RYR3: variants seen among roughly 807,000 people sequenced by gnomAD.
The protein encoded by RYR3 is brain ryanodine receptor-calcium release channel.
In RYR3, 207 loss-of-function variants were observed where a neutral mutation model predicts 584.3. The ratio of observed to expected loss-of-function variants is 0.35; its 90% CI spans 0.32 to 0.40. RYR3 has a LOEUF of 0.40. Among genes scored for constraint, RYR3 ranks in the 10% least tolerant of loss-of-function variants. The pLI is 1.00. For synonymous variants in RYR3, 2,416 were observed against 2,248.5 expected (o/e 1.07, Z -2.11); for missense variants, 5,616 against 6,089.2 (o/e 0.92, Z 2.59).
At chr15:33,464,181 A>G (rs1303589046) in intron 1 of RYR3, among the ~76,000 whole-genome samples, 1 of 151,932 alleles carries the variant, frequency 6.6e-6, no homozygotes, top group Non-Finnish European at 1.5e-5. Context: ...AAAGAATATT[A>G]AGCAAGATTG....
At chr15:33,560,336 G>A (rs2060453) in intron 10 of RYR3, among the ~76,000 whole-genome samples, 104,412 of 152,020 alleles carry the variant, frequency 0.69, 36,774 homozygotes, top group Middle Eastern at 0.8. Flanking sequence ...TGCAGTGACT[G>A]CCGTAGAATT....
intron 16 of RYR3, among the ~76,000 whole-genome samples, chr15:33,586,462 A>G (rs2058851505): frequency 1.3e-5 from 2 of 152,206 alleles, no homozygotes; most frequent in Non-Finnish European, 2.9e-5. Context: ...GTAGTGAAAC[A>G]GCTTATAACA....
At chr15:33,350,439 C>A (rs1169664054) in intron 1 of RYR3, among the ~76,000 whole-genome samples, 1 of 151,804 alleles carries the variant, frequency 6.6e-6, no homozygotes, top group Non-Finnish European at 1.5e-5. Context: ...CTCTCCACCC[C>A]AAATCAACAG....
At chr15:33,541,966 T>A (rs1438923301) in intron 7 of RYR3, among the ~76,000 whole-genome samples, 1 of 152,088 alleles carries the variant, frequency 6.6e-6, no homozygotes, top group Admixed American at 6.6e-5. Context: ...CCATGTTAAA[T>A]TTTTTATTTT....
At chr15:33,841,684 C>T in intron 90 of RYR3, 180 bp from the exon 91 acceptor site, 1 of 584,612 alleles carries the variant, frequency 1.7e-6, no homozygotes. Flanking sequence ...GGCTCATCCT[C>T]ATTGAATATA....
intron 16 of RYR3, among the ~76,000 whole-genome samples, chr15:33,586,414 G>T (rs889490721): frequency 1.2e-4 from 19 of 152,120 alleles, no homozygotes; most frequent in Non-Finnish European, 2.6e-4. Flanking sequence ...ATGGCCAACC[G>T]TATGGGACTG....
chr15:33,793,850 C>T (rs1199383920), intron 67 of RYR3, among the ~76,000 whole-genome samples: 2 of 149,298 alleles, frequency 1.3e-5, no homozygotes, highest in East Asian at 3.9e-4. Flanking sequence ...TTTAAAATAA[C>T]CTAATTAAGA....
chr15:33,333,634 A>G (rs75946909), intron 1 of RYR3, among the ~76,000 whole-genome samples: 1 of 152,200 alleles, frequency 6.6e-6, no homozygotes, highest in Non-Finnish European at 1.5e-5. Flanking sequence ...AAACCAGCAC[A>G]AGACATGGAT....
At chr15:33,695,175 C>G (rs144092098) in intron 38 of RYR3, among the ~76,000 whole-genome samples, 1 of 152,178 alleles carries the variant, frequency 6.6e-6, no homozygotes, top group Admixed American at 6.5e-5. Context: ...CTGTGATATG[C>G]AGTGCCAGGG....
chr15:33,679,710 C>T (rs989826954), intron 38 of RYR3, among the ~76,000 whole-genome samples: 7 of 152,090 alleles, frequency 4.6e-5, no homozygotes, highest in African/African-American at 1.4e-4. Flanking sequence ...TACTCTTGTT[C>T]CCATACCACA....
chr15:33,842,007 G>C lies in RYR3; in HGVS notation c.13181G>C (p.Gly4394Ala), dbSNP rs760092283. ...GCTTTCACAGCCAATTTCTTTAAAG[G>C]GCTGGAAATCTATCAGACCAAGTTA... Reference protein sequence around the residue: ...PEAFTANFFKGLEIYQTKLLH... With the variant: ...PEAFTANFFKALEIYQTKLLH... Residue 4394 changes from glycine to alanine, a missense_variant, in exon 91 of 104, where the codon GGG becomes GCG. Gly to Ala is a moderately conservative substitution (Grantham distance 60). This residue lies in a region of RYR3 where 918 missense variants were observed against 887.4 expected (regional missense o/e 1.03). Coordinates refer to ENST00000634891, the MANE Select transcript of RYR3 (RefSeq NM_001036.6). 5 of 1,602,882 alleles carry C rather than the reference G, an allele frequency of 3.1e-6. No individual in the cohort carries two copies. In the South Asian group the frequency reaches 4.5e-5, roughly 14 times the overall value.
chr15:33,823,293 A>G (rs147062634), intron 81 of RYR3, among the ~76,000 whole-genome samples: 21 of 152,236 alleles, frequency 1.4e-4, no homozygotes, highest in Middle Eastern at 3.4e-3. Flanking sequence ...AGCCACATAC[A>G]CACGCTCCCC....
chr15:33,696,780 G>A (rs749468075), intron 39 of RYR3, among the ~76,000 whole-genome samples: 1 of 152,036 alleles, frequency 6.6e-6, no homozygotes, highest in South Asian at 2.1e-4. Context: ...AGGAAGGGAC[G>A]GTGTGTTCAA....
intron 10 of RYR3, among the ~76,000 whole-genome samples, chr15:33,552,120 A>G (rs1436929951): frequency 6.6e-6 from 1 of 152,108 alleles, no homozygotes; most frequent in Non-Finnish European, 1.5e-5. Flanking sequence ...TACCATTTCA[A>G]AAAGGGGCTT....
intron 65 of RYR3, among the ~76,000 whole-genome samples, chr15:33,780,777 A>T (rs554809053): frequency 6.6e-6 from 1 of 152,300 alleles, no homozygotes; most frequent in South Asian, 2.1e-4. Context: ...GATGCTGATG[A>T]CACATTTTTG....
intron 2 of RYR3, among the ~76,000 whole-genome samples, chr15:33,502,520 G>A (rs1232342102): frequency 1.3e-5 from 2 of 152,138 alleles, no homozygotes; most frequent in Non-Finnish European, 2.9e-5. Flanking sequence ...TGGTACACAG[G>A]TGATCACAAG....
intron 1 of RYR3, among the ~76,000 whole-genome samples, chr15:33,382,198 T>TA (rs974091409): frequency 1.3e-4 from 20 of 149,830 alleles, no homozygotes; most frequent in Admixed American, 1.3e-3. Flanking sequence ...TGAAGCAAAG[T>TA]GTGTAGGCAG....
chr15:33,489,893 T>A (rs1398670033), intron 2 of RYR3, among the ~76,000 whole-genome samples: 1 of 151,340 alleles, frequency 6.6e-6, no homozygotes, highest in African/African-American at 2.4e-5. Flanking sequence ...TAATGGCCGT[T>A]CTGACTGAGA....
Position 33,706,175 on chromosome 15 carries a change from G to C in RYR3, c.6484-744G>C, listed in dbSNP as rs79167204. Among the ~76,000 whole-genome samples the C allele has an allele frequency of 9.0e-4, 136 of 151,720 alleles. 1 individual carries two copies. The East Asian group carries it at 0.022, about 24-fold the overall frequency. On this transcript the variant is annotated intron_variant, in intron 42 of 103. Coordinates refer to ENST00000634891, the MANE Select transcript of RYR3 (RefSeq NM_001036.6). The stretch of plus-strand genomic sequence containing the variant: ...TAAAAACTTGAGCAGTTCTTTCTTT[G>C]TTTGTTTCTTACATACGTGTAAGAT...
Sources: allele counts gnomAD v4.1 joint callset (sites outside exome capture counted in the v4.1 genomes callset), GRCh38; gene constraint gnomAD v4.1.1; regional missense constraint gnomAD v4.1.1; transcripts MANE v1.5; gene names NCBI Gene and HGNC (gene_info 2026-07-23, HGNC 2026-07-21).